Variants in NOS1AP observed in about 807,000 individuals in gnomAD.
The protein encoded by NOS1AP is nitric oxide synthase 1 adaptor protein, also known as carboxyl-terminal PDZ ligand of neuronal nitric oxide synthase protein.
In NOS1AP, 21 loss-of-function variants were observed where a neutral mutation model predicts 56.2. The ratio of observed to expected loss-of-function variants is 0.37; its 90% confidence interval spans 0.26 to 0.54. NOS1AP has a LOEUF of 0.54. Ranked by LOEUF, NOS1AP falls within the 20% of genes least tolerant of loss-of-function variation. NOS1AP has a pLI of 0.84. For synonymous variants in NOS1AP, 270 were observed against 274.6 expected (o/e 0.98, Z 0.17); for missense variants, 522 against 657.8 (o/e 0.79, Z 2.26).
chr1:162,115,326 C>T (rs987789863), intron 1 of NOS1AP, among the ~76,000 whole-genome samples: 1 of 151,914 alleles, frequency 6.6e-6, no homozygotes, highest in Non-Finnish European at 1.5e-5. Flanking sequence ...CATTTTCTGA[C>T]TTCAAATAAT....
chr1:162,122,456 A>G (rs1164795200), intron 1 of NOS1AP, among the ~76,000 whole-genome samples: 1 of 152,082 alleles, frequency 6.6e-6, no homozygotes, highest in Non-Finnish European at 1.5e-5. Flanking sequence ...ACTTTTTATT[A>G]TGAAAAAATT....
chr1:162,265,229 T>C (rs12735034), intron 2 of NOS1AP, among the ~76,000 whole-genome samples: 57,819 of 151,912 alleles, frequency 0.38, 13,998 homozygotes, highest in Non-Finnish European at 0.55. Context: ...GTTTTCTTTT[T>C]TTTTTTTTAT....
At chr1:162,177,205 A>G (rs1167506143) in intron 2 of NOS1AP, among the ~76,000 whole-genome samples, 1 of 152,110 alleles carries the variant, frequency 6.6e-6, no homozygotes, top group Non-Finnish European at 1.5e-5. Context: ...GGATTATGTG[A>G]TTTGGAATAG....
chr1:162,167,375 A>T (rs566062919), intron 2 of NOS1AP, among the ~76,000 whole-genome samples: 2 of 152,320 alleles, frequency 1.3e-5, no homozygotes, highest in East Asian at 3.9e-4. Context: ...ACAGTCATTC[A>T]TGATCTTTTC....
At chr1:162,268,039 A>T (rs1273882811) in intron 2 of NOS1AP, among the ~76,000 whole-genome samples, 1 of 152,096 alleles carries the variant, frequency 6.6e-6, no homozygotes, top group Non-Finnish European at 1.5e-5. Context: ...TGGGCGGGTT[A>T]CTTGAGGTCA....
chr1:162,273,233 G>T (rs925820001), intron 2 of NOS1AP, among the ~76,000 whole-genome samples: 1 of 142,808 alleles, frequency 7.0e-6, no homozygotes, highest in Non-Finnish European at 1.5e-5. Flanking sequence ...GCGCGATCTC[G>T]GCTCACTGCA....
At chr1:162,072,589 A>G (rs1198067653) in intron 1 of NOS1AP, among the ~76,000 whole-genome samples, 2 of 152,230 alleles carry the variant, frequency 1.3e-5, no homozygotes, top group African/African-American at 4.8e-5. Context: ...AAGAAAGGAC[A>G]AAAGCATACG....
chr1:162,238,221 A>AC (rs1194437467), intron 2 of NOS1AP, among the ~76,000 whole-genome samples: 1 of 152,106 alleles, frequency 6.6e-6, no homozygotes, highest in Non-Finnish European at 1.5e-5. Context: ...GGGAGAATGG[A>AC]CGTATGAATA....
chr1:162,138,256 C>T (rs1248834628), intron 1 of NOS1AP, among the ~76,000 whole-genome samples: 1 of 152,096 alleles, frequency 6.6e-6, no homozygotes, highest in Non-Finnish European at 1.5e-5. Context: ...TCTTAGGAGA[C>T]TGCAGTTAGT....
At chr1:162,258,278 G>A (rs1654099320) in intron 2 of NOS1AP, among the ~76,000 whole-genome samples, 1 of 152,160 alleles carries the variant, frequency 6.6e-6, no homozygotes, top group Admixed American at 6.5e-5. Flanking sequence ...TGAGCACCAT[G>A]AGAGCAGGAA....
At chr1:162,160,097 G>T (rs1368796974) in intron 2 of NOS1AP, among the ~76,000 whole-genome samples, 1 of 152,170 alleles carries the variant, frequency 6.6e-6, no homozygotes, top group Non-Finnish European at 1.5e-5. Flanking sequence ...AGGGATATGC[G>T]CTGTAGCTAG....
At chr1:162,151,848 G>A (rs1331549057) in intron 1 of NOS1AP, among the ~76,000 whole-genome samples, 1 of 152,008 alleles carries the variant, frequency 6.6e-6, no homozygotes, top group Non-Finnish European at 1.5e-5. Flanking sequence ...GCAAGTGTGT[G>A]GCATGTGGGG....
rs115433966 is a variant in NOS1AP at position 162,367,380 on chromosome 1, G to T, written c.1434G>T (p.Ser478=). The T allele has an allele frequency of 1.9e-6, 3 of 1,608,354 alleles. No individual in the cohort carries two copies. The highest frequency in any genetic ancestry group is 1.7e-6 in the Non-Finnish European group (2 of 1,177,446). ...CGGACGAGAGCGAGGAGCGCGACTC[G>T]TGGTCCCAGGAGGAGCTGCCGCGCC... ...SNTDESEERD[S]WSQEELPRLL... Residue 478 remains serine, a synonymous_variant, in exon 10 of 10, where the codon TCG becomes TCT. Transcript: ENST00000361897. This position sits in a 1 kb window ranked among gnomAD's most constrained non-coding sequence, Gnocchi z 6.5.
rs1261040535 is a variant in NOS1AP, at chr1:162,220,103, A to G, written c.177+65627A>G. Among the ~76,000 whole-genome samples, 3 of 152,088 alleles carry G rather than the reference A, an allele frequency of 2.0e-5. No individual in the cohort carries two copies. The East Asian group carries it at 5.8e-4, about 29-fold the overall frequency. ...AACACCATCATACCCGGCTAATTTTAAAAGTTTTTGTAGAGATAGAGTCCA... is the reference window on the plus strand; with the variant it reads ...AACACCATCATACCCGGCTAATTTTGAAAGTTTTTGTAGAGATAGAGTCCA... On this transcript the variant is annotated intron_variant, in intron 2 of 9. Transcript: ENST00000361897.
intron 4 of NOS1AP, among the ~76,000 whole-genome samples, chr1:162,305,027 T>G (rs1003112361): frequency 6.6e-6 from 1 of 152,198 alleles, no homozygotes; most frequent in African/African-American, 2.4e-5. Context: ...GTGTTCATTT[T>G]AGACGAATGA....
intron 6 of NOS1AP, among the ~76,000 whole-genome samples, chr1:162,346,523 A>T (rs1012567819): frequency 1.3e-5 from 2 of 152,202 alleles, no homozygotes; most frequent in East Asian, 3.8e-4. Flanking sequence ...GTGTATATGT[A>T]GGTATATATG....
chr1:162,312,228 A>G (rs1453628303), intron 4 of NOS1AP, among the ~76,000 whole-genome samples: 1 of 141,442 alleles, frequency 7.1e-6, no homozygotes, highest in Non-Finnish European at 1.5e-5. Context: ...ATTTCTCCAC[A>G]TCCTCTCCAG....
Position 162,179,409 on chromosome 1 carries a change from T to C in NOS1AP, c.177+24933T>C, listed in dbSNP as rs568199688. 2.0e-5 allele frequency among the ~76,000 whole-genome samples: 3 copies of C among 152,272 alleles called. No homozygotes were observed. In the South Asian group the frequency reaches 6.2e-4, roughly 32 times the overall value. On this transcript the variant is annotated intron_variant, in intron 2 of 9. Transcript: ENST00000361897. ...TTATAATCTGTGTTCTTATTTGTCA[T>C]GCTGTGCTAGATAAACAACAATTCT... is the stretch of plus-strand genomic sequence containing the variant.
intron 1 of NOS1AP, among the ~76,000 whole-genome samples, chr1:162,113,016 T>G (rs1489681492): frequency 1.3e-5 from 2 of 152,224 alleles, no homozygotes; most frequent in African/African-American, 4.8e-5. Flanking sequence ...GTGCTTTGTT[T>G]GCAGTTCTGG....
Sources: allele counts gnomAD v4.1 joint callset (sites outside exome capture counted in the v4.1 genomes callset), GRCh38; gene constraint gnomAD v4.1.1; non-coding constraint Gnocchi (gnomAD v3.1); transcripts MANE v1.5; gene names NCBI Gene and HGNC (gene_info 2026-07-23, HGNC 2026-07-21).